The following KANK3 variants were observed in gnomAD, a reference collection of about 807,000 sequenced individuals.
KANK3 encodes the protein KN motif and ankyrin repeat domain-containing protein 3.
Under a neutral mutation model 65.4 loss-of-function variants are expected in KANK3, and 61 were observed. The ratio of observed to expected loss-of-function variants is 0.93; its 90% confidence interval spans 0.76 to 1.15. The LOEUF is 1.15. KANK3 is among the 50% of genes most tolerant of loss of function. The probability of loss-of-function intolerance (pLI) is 0.00; values close to 1 mark genes in which losing one functional copy is unlikely to be tolerated. For synonymous variants in KANK3, 586 were observed against 543.3 expected, an observed-to-expected ratio of 1.08 and a Z score of -1.09; for missense variants, 1,187 against 1,178.8, an observed-to-expected ratio of 1.01 and a Z score of -0.10.
intron 7 of KANK3, among the ~76,000 whole-genome samples, chr19:8,326,481 T>TC (rs1970429578): frequency 1.7e-5 from 2 of 119,452 alleles, no homozygotes; most frequent in Admixed American, 1.8e-4. Context: ...CCACCTGTTG[T>TC]AAAAAAAAAA....
intron 2 of KANK3, among the ~76,000 whole-genome samples, chr19:8,336,907 T>C (rs1440553746): frequency 2.6e-5 from 4 of 151,256 alleles, no homozygotes; most frequent in Admixed American, 6.6e-5. Flanking sequence ...CCGAGCAGAG[T>C]AAAGAAGGCA....
Position 8,333,774 on chromosome 19 carries a change from C to A in KANK3, c.1669G>T (p.Val557Leu). The change falls in exon 6 of 11, where the codon GTA becomes TTA. Residue 557 changes from valine (V) to leucine (L), a missense_variant. Around this residue, in one of 3 missense-constraint regions of KANK3, gnomAD observed 1,078 missense variants for 1,038.2 expected, o/e 1.04. Coordinates refer to ENST00000330915, the MANE Select transcript of KANK3 (RefSeq NM_198471.3). The surrounding 1 kb of genome is among the most constrained non-coding windows in gnomAD (Gnocchi z 5.0). ...CGGCTCAGCTGCCGCTGCAGCGCTA[C>A]GCACGCCTCCCTCAGACGCGGGCTC... is the stretch of plus-strand genomic sequence containing the variant. ...ELSPRLREAC[V>L]ALQRQLSRPR... 1.3e-6 allele frequency: 2 copies of A among 1,511,552 alleles called. No individual in the cohort carries two copies. The highest frequency in any genetic ancestry group is 2.5e-5 in the South Asian group (2 of 80,656). 93.6% of individuals were successfully genotyped at this position (1,511,552 alleles called of 1,614,324 possible). A position where few individuals can be genotyped will look rare whatever the true frequency, so the allele number is the denominator to read the frequency against.
intron 10 of KANK3, among the ~76,000 whole-genome samples, chr19:8,324,148 C>G (rs895718366): frequency 6.6e-6 from 1 of 152,260 alleles, no homozygotes; most frequent in Non-Finnish European, 1.5e-5. Flanking sequence ...CCCTGCCAGG[C>G]GCTCTGGTTT....
rs772958428 is a variant in KANK3, at chr19:8,333,002, C to A, written c.1936+12G>T. 1 of 1,488,746 alleles carries A rather than the reference C, an allele frequency of 6.7e-7. No individual in the cohort carries two copies. The highest frequency in any genetic ancestry group is 1.2e-5 in the South Asian group (1 of 83,386). 92.2% of individuals were successfully genotyped at this position (1,488,746 alleles called of 1,614,324 possible). ...TTTCCTGGTGTCCCACCCACCCTCC[C>A]TTGGCTCTGACCCGTATCCAGGAGC... On this transcript the variant is annotated intron_variant, in intron 7 of 10. Transcript: ENST00000330915. The surrounding 1 kb of genome is among the most constrained non-coding windows in gnomAD (Gnocchi z 5.0).
At chr19:8,334,233 C>T in intron 4 of KANK3, 87 bp downstream of exon 4, 1 of 1,565,718 alleles carries the variant, frequency 6.4e-7, no homozygotes, top group Non-Finnish European at 8.7e-7. Flanking sequence ...TTGCCCAGAC[C>T]ACGCTGCCAG....
At chr19:8,325,561 C>G (rs1230812148) in intron 7 of KANK3, among the ~76,000 whole-genome samples, 1 of 152,102 alleles carries the variant, frequency 6.6e-6, no homozygotes, top group African/African-American at 2.4e-5. Flanking sequence ...GCATGAGCCA[C>G]TGGCCCAGTG....
In KANK3 at chr19:8,334,763, A is replaced by G. The variant is rs1970598621; in HGVS notation, c.1064T>C (p.Leu355Pro). The change falls in exon 3 of 11, where the codon CTA (leucine) becomes CCA (proline). Residue 355 changes from leucine (L) to proline (P), a missense_variant. Leu to Pro is a moderately conservative substitution (Grantham distance 98, BLOSUM62 -3). Around this residue, in one of 3 missense-constraint regions of KANK3, gnomAD observed 1,078 missense variants for 1,038.2 expected, o/e 1.04. Transcript: ENST00000330915. ...CTCCAGACTGGCGCGCAGCAGCTCT[A>G]GCTCGCGCTCGGCGGCCGCAGGCAG... ...LGLPAAAERE[L>P]ELLRASLEHQ... 6.6e-7 allele frequency: 1 copy of G among 1,506,244 alleles called. No homozygotes were observed. 93.3% of individuals were successfully genotyped at this position (1,506,244 alleles called of 1,614,324 possible).
At chr19:8,337,768 C>T (rs1970667381) in intron 2 of KANK3, 27 bp downstream of exon 2, 2 of 1,610,900 alleles carry the variant, frequency 1.2e-6, no homozygotes, top group Non-Finnish European at 1.7e-6. Context: ...CGCACACACA[C>T]ACACATCTCT....
rs774872216 is a variant in KANK3 at position 8,333,776 on chromosome 19, C to T, written c.1667G>A (p.Cys556Tyr). ...CELSPRLREA[C>Y]VALQRQLSRP... is the part of the protein sequence containing the mutation. ...GCTCAGCTGCCGCTGCAGCGCTACG[C>T]ACGCCTCCCTCAGACGCGGGCTCAG... The change falls in exon 6 of 11, where the codon TGC (cysteine) becomes TAC (tyrosine). Residue 556 changes from cysteine to tyrosine, a missense_variant. This residue lies in a region of KANK3 where 1,078 missense variants were observed against 1,038.2 expected (regional missense o/e 1.04). Coordinates refer to ENST00000330915, the MANE Select transcript of KANK3 (RefSeq NM_198471.3). The surrounding 1 kb of genome is among the most constrained non-coding windows in gnomAD (Gnocchi z 5.0). 8.6e-6 allele frequency: 13 copies of T among 1,513,062 alleles called. No individual in the cohort carries two copies. Among genetic ancestry groups the T allele is most frequent in the Middle Eastern group, 1.8e-4 (1 of 5,462 alleles). The allele number at this position is 1,513,062 out of a possible 1,614,324, so 93.7% of individuals were successfully genotyped here. A position where few individuals can be genotyped will look rare whatever the true frequency, so the allele number is the denominator to read the frequency against.
At chr19:8,329,204 C>T (rs1043737501) in intron 7 of KANK3, among the ~76,000 whole-genome samples, 3 of 147,290 alleles carry the variant, frequency 2.0e-5, no homozygotes, top group East Asian at 2.0e-4. Context: ...TGACAAGTGC[C>T]GGCTGGGTGC....
Position 8,335,805 on chromosome 19 carries a change from C to T in KANK3, c.35-13G>A. ...GGGCCGCCCAGGTCTGGAGGCACGA[C>T]GGGGGCACGGGGAGGGCGCATCAGA... On this transcript the variant is annotated splice_polypyrimidine_tract_variant and intron_variant, in intron 2 of 10. Coordinates refer to ENST00000330915, the MANE Select transcript of KANK3 (RefSeq NM_198471.3). 2 of 1,229,208 alleles carry T rather than the reference C, an allele frequency of 1.6e-6. No homozygotes were observed. The highest frequency in any genetic ancestry group is 2.0e-6 in the Non-Finnish European group (2 of 984,082). 76.1% of individuals were successfully genotyped at this position (1,229,208 alleles called of 1,614,324 possible). A position where few individuals can be genotyped will look rare whatever the true frequency, so the allele number is the denominator to read the frequency against.
At chr19:8,326,481 TAAAAAAAAAAA>T (rs369948563) in intron 7 of KANK3, among the ~76,000 whole-genome samples, 276 of 119,472 alleles carry the variant, frequency 2.3e-3, no homozygotes, top group African/African-American at 6.1e-3. Context: ...CCACCTGTTG[TAAAAAAAAAAA>T]AAAAAAAAAA....
rs1346267478 is a variant in KANK3, at chr19:8,329,591, T to C, written c.1936+3423A>G. ...ACTGACTGGAACAGCCTAGGCTCTG[T>C]TCCTGTCCCCATCTAGAAACAGGTT... On this transcript the variant is annotated intron_variant, in intron 7 of 10. Transcript: ENST00000330915. Among the ~76,000 whole-genome samples the C allele has an allele frequency of 2.0e-5, 3 of 151,720 alleles. No individual in the cohort carries two copies. The East Asian group carries it at 5.8e-4, about 29-fold the overall frequency.
intron 1 of KANK3, among the ~76,000 whole-genome samples, chr19:8,339,355 C>CTTTT (rs1293954159): frequency 9.6e-6 from 1 of 104,628 alleles, no homozygotes; most frequent in Non-Finnish European, 2.1e-5. Context: ...GACCCTATCT[C>CTTTT]TTTTTGTTTT....
chr19:8,334,786 C>A lies in KANK3; in HGVS notation c.1041G>T (p.Leu347=). ...DAWVTEALLG[L]PAAAERELEL... ...CTAGCTCGCGCTCGGCGGCCGCAGG[C>A]AGCCCCAGCAGCGCCTCGGTCACCC... The change falls in exon 3 of 11, where the codon CTG becomes CTT. Residue 347 remains leucine (L), a synonymous_variant. Coordinates refer to ENST00000330915, the MANE Select transcript of KANK3 (RefSeq NM_198471.3). 1 of 1,497,552 alleles carries A rather than the reference C, an allele frequency of 6.7e-7. No homozygotes were observed. Among genetic ancestry groups the A allele is most frequent in the Non-Finnish European group, 8.8e-7 (1 of 1,132,334 alleles). 92.8% of individuals were successfully genotyped at this position (1,497,552 alleles called of 1,614,324 possible).
intron 1 of KANK3, among the ~76,000 whole-genome samples, chr19:8,341,188 G>A (rs1023388586): frequency 5.3e-5 from 8 of 151,658 alleles, no homozygotes; most frequent in Non-Finnish European, 1.2e-4. Flanking sequence ...TTTACTATGG[G>A]CCAGCCTCTA....
rs373935743 is a variant in KANK3, at chr19:8,325,065, G to T, written c.1968C>A (p.Ala656=). The T allele has an allele frequency of 3.7e-6, 6 of 1,613,658 alleles. No homozygotes were observed. Among genetic ancestry groups the T allele is most frequent in the Admixed American group, 1.7e-5 (1 of 59,972 alleles). Residue 656 remains alanine, a synonymous_variant, in exon 8 of 11, where the codon GCC becomes GCA. Coordinates refer to ENST00000330915, the MANE Select transcript of KANK3 (RefSeq NM_198471.3). ...GACEVNRQNR[A]GYSALMLAAL... Reference sequence around the variant, plus strand: ...CAGCCAGCATGAGGGCCGAGTAGCCGGCTCGGTTCTGGCGGTTGACCTCGC... The same window carrying T: ...CAGCCAGCATGAGGGCCGAGTAGCCTGCTCGGTTCTGGCGGTTGACCTCGC...
chr19:8,342,917 C>A (rs1175171422), intron 1 of KANK3, among the ~76,000 whole-genome samples: 2 of 152,136 alleles, frequency 1.3e-5, no homozygotes, highest in Non-Finnish European at 2.9e-5. Flanking sequence ...GCTGGGGTCC[C>A]CAGGCCGTCC....
chr19:8,323,562 G>C (rs535899631), intron 10 of KANK3: 1 of 148,596 alleles, frequency 6.7e-6, no homozygotes. Context: ...CGAGACTCTT[G>C]TCTTCAAATG....
Sources: allele counts gnomAD v4.1 joint callset (sites outside exome capture counted in the v4.1 genomes callset), GRCh38; gene constraint gnomAD v4.1.1; regional missense constraint gnomAD v4.1.1; non-coding constraint Gnocchi (gnomAD v3.1); transcripts MANE v1.5; gene names NCBI Gene and HGNC (gene_info 2026-07-23, HGNC 2026-07-21).